Variants in SPRY3 observed in about 807,000 individuals in gnomAD.
SPRY3 encodes the protein sprouty RTK signaling antagonist 3.
Under a neutral mutation model 20.2 loss-of-function variants are expected in SPRY3, and 15 were observed. The observed-to-expected ratio is 0.74, with a 90% CI of 0.50 to 1.14. The LOEUF (loss-of-function observed/expected upper bound fraction) is 1.14, where lower values mean the gene tolerates loss of function less well. SPRY3 is among the 50% of genes most tolerant of loss of function. The probability of loss-of-function intolerance (pLI) is 0.00; values close to 1 mark genes in which losing one functional copy is unlikely to be tolerated. For synonymous variants in SPRY3, 143 were observed against 136.5 expected (o/e 1.05, Z -0.33); for missense variants, 364 against 363.9 (o/e 1.00, Z 0.00).
chrX:155,653,225 A>G (rs2067982368), intron 1 of SPRY3, among the ~76,000 whole-genome samples: 1 of 111,154 alleles, frequency 9.0e-6, no homozygotes, highest in African/African-American at 3.3e-5. Flanking sequence ...ATGTCTTTTG[A>G]TGCACTAAGG....
intron 2 of SPRY3, among the ~76,000 whole-genome samples, chrX:155,711,658 C>G (rs2090987211): frequency 6.7e-6 from 1 of 149,148 alleles, no homozygotes; most frequent in Non-Finnish European, 1.5e-5. Context: ...TAATTTATTT[C>G]TGTTCTGATC....
intron 2 of SPRY3, among the ~76,000 whole-genome samples, chrX:155,758,614 G>A (rs2091292260): frequency 6.6e-6 from 1 of 152,108 alleles, no homozygotes; most frequent in Admixed American, 6.5e-5. Flanking sequence ...GGATAGAGCT[G>A]GCCTCCTATA....
intron 2 of SPRY3, among the ~76,000 whole-genome samples, chrX:155,750,853 A>G (rs918454174): frequency 1.3e-5 from 2 of 151,940 alleles, no homozygotes; most frequent in Non-Finnish European, 2.9e-5. Flanking sequence ...TTAAATGAAT[A>G]CCAAACCAGT....
At chrX:155,734,417 T>A (rs1218677778) in intron 2 of SPRY3, among the ~76,000 whole-genome samples, 1 of 152,050 alleles carries the variant, frequency 6.6e-6, no homozygotes, top group African/African-American at 2.4e-5. Context: ...GAGTGCAGTT[T>A]GTGGCACCCT....
At chrX:155,647,526 A>G (rs1282392667) in intron 1 of SPRY3, among the ~76,000 whole-genome samples, 1 of 109,255 alleles carries the variant, frequency 9.2e-6, no homozygotes, top group Non-Finnish European at 1.9e-5. Flanking sequence ...CTCATTGCTC[A>G]ACTCCCACTT....
chrX:155,705,864 T>C (rs1434428729), intron 2 of SPRY3, among the ~76,000 whole-genome samples: 2 of 151,358 alleles, frequency 1.3e-5, no homozygotes, highest in African/African-American at 4.8e-5. Flanking sequence ...ACATAGCACA[T>C]AGTATATGAA....
rs782099883 is a variant in SPRY3 at position 155,670,927 on chromosome X, C to T, written c.-282+13902C>T. 3.9e-4 allele frequency among the ~76,000 whole-genome samples: 44 copies of T among 112,035 alleles called. 1 individual carries two copies. The highest frequency in any genetic ancestry group is 1.3e-3 in the African/African-American group (41 of 30,908). ...ACACTGATCATCCTAAACGTTATTC[C>T]TTGAGGAAATCTGTACCAATTACTA... On this transcript the variant is annotated intron_variant, in intron 2 of 3. Transcript: ENST00000675360.
chrX:155,716,154 C>A (rs1362940271), intron 2 of SPRY3, among the ~76,000 whole-genome samples: 1 of 151,916 alleles, frequency 6.6e-6, no homozygotes, highest in East Asian at 1.9e-4. Context: ...TCTTTCTTGC[C>A]CCTGCTTTAA....
chrX:155,767,176 C>G (rs913784815), intron 2 of SPRY3, among the ~76,000 whole-genome samples: 16 of 152,132 alleles, frequency 1.1e-4, no homozygotes, highest in Non-Finnish European at 2.2e-4. Context: ...GATGACGCCA[C>G]TTCGCCAAGC....
intron 2 of SPRY3, among the ~76,000 whole-genome samples, chrX:155,756,703 C>T (rs138418843): frequency 0.045 from 6,879 of 152,110 alleles, 211 homozygotes; most frequent in African/African-American, 0.083. Flanking sequence ...CCTTTTCCAA[C>T]AGGAATAAAT....
intron 1 of SPRY3, among the ~76,000 whole-genome samples, chrX:155,624,261 C>A (rs1161078848): frequency 9.0e-6 from 1 of 111,675 alleles, no homozygotes; most frequent in East Asian, 2.8e-4. Context: ...TCCAGGGATT[C>A]ATCTGGCATT....
intron 2 of SPRY3, among the ~76,000 whole-genome samples, chrX:155,714,443 G>A (rs763162063): frequency 1.3e-5 from 2 of 152,272 alleles, no homozygotes; most frequent in African/African-American, 4.8e-5. Context: ...GGTGGTCTTA[G>A]ATAAGATCTG....
At chrX:155,757,505 A>T (rs181909866) in intron 2 of SPRY3, among the ~76,000 whole-genome samples, 1,627 of 152,266 alleles carry the variant, frequency 0.011, 26 homozygotes, top group African/African-American at 0.037. Context: ...GTAGTTGGAT[A>T]TGTGGGTCTA....
intron 2 of SPRY3, among the ~76,000 whole-genome samples, chrX:155,724,909 C>T (rs113289460): frequency 2.6e-5 from 4 of 152,166 alleles, no homozygotes; most frequent in African/African-American, 9.6e-5. Context: ...TTTTCAAAGG[C>T]AATGCTTCCA....
intron 2 of SPRY3, among the ~76,000 whole-genome samples, chrX:155,734,123 G>A (rs1213401946): frequency 2.0e-5 from 3 of 152,020 alleles, no homozygotes; most frequent in Non-Finnish European, 4.4e-5. Context: ...CAACTTGGCC[G>A]GTTGGCACAA....
At chrX:155,660,266 T>C (rs1177549196) in intron 2 of SPRY3, among the ~76,000 whole-genome samples, 4 of 112,277 alleles carry the variant, frequency 3.6e-5, no homozygotes. Flanking sequence ...TCCACCATAA[T>C]ATCATCATCT....
intron 2 of SPRY3, among the ~76,000 whole-genome samples, chrX:155,663,013 G>T (rs1252033259): frequency 1.8e-5 from 2 of 112,159 alleles, no homozygotes; most frequent in African/African-American, 6.5e-5. Context: ...GGCTATTTGT[G>T]TGTATTTGTT....
At chrX:155,757,621 G>A (rs1021489728) in intron 2 of SPRY3, among the ~76,000 whole-genome samples, 3 of 152,114 alleles carry the variant, frequency 2.0e-5, no homozygotes, top group Non-Finnish European at 2.9e-5. Flanking sequence ...GATGTATCAT[G>A]CTTTCTGCAT....
intron 2 of SPRY3, among the ~76,000 whole-genome samples, chrX:155,757,308 G>A (rs1339308928): frequency 2.0e-5 from 3 of 152,018 alleles, no homozygotes; most frequent in South Asian, 2.1e-4. Flanking sequence ...TGCATTTACT[G>A]TTTCCTCTCT....
Sources: allele counts gnomAD v4.1 joint callset (sites outside exome capture counted in the v4.1 genomes callset), GRCh38; gene constraint gnomAD v4.1.1; transcripts MANE v1.5; gene names NCBI Gene and HGNC (gene_info 2026-07-23, HGNC 2026-07-21).